The following HNF4A variants were observed in gnomAD, a reference collection of about 807,000 sequenced individuals.
HNF4A encodes hepatocyte nuclear factor 4 alpha, also known as hepatocyte nuclear factor 4-alpha.
Under a neutral mutation model 52.4 loss-of-function variants are expected in HNF4A, and 15 were observed. The observed-to-expected ratio is 0.29, with a 90% CI of 0.19 to 0.44. The LOEUF is 0.44. Among genes scored for constraint, HNF4A ranks in the 20% least tolerant of loss-of-function variants. The probability of loss-of-function intolerance (pLI) is 1.00; values close to 1 mark genes in which losing one functional copy is unlikely to be tolerated. For synonymous variants in HNF4A, 280 were observed against 264.4 expected (o/e 1.06, Z -0.57); for missense variants, 479 against 647.2 (o/e 0.74, Z 2.82).
chr20:44,401,342 G>A lies in HNF4A; in HGVS notation c.-31G>A. The A allele has an allele frequency of 3.1e-6, 5 of 1,613,730 alleles. No homozygotes were observed. The highest frequency in any genetic ancestry group is 3.4e-6 in the Non-Finnish European group (4 of 1,179,936). Reference sequence around the variant, plus strand: ...CCTTCGGGGTGGGCGCCCAGGGTAGGGCAGGTGGCCGCGGCGTGGAGGCAG... The same window carrying A: ...CCTTCGGGGTGGGCGCCCAGGGTAGAGCAGGTGGCCGCGGCGTGGAGGCAG... On this transcript the variant is annotated 5_prime_UTR_variant, in exon 1 of 10. Coordinates refer to ENST00000316099, the MANE Select transcript of HNF4A (RefSeq NM_000457.6).
rs531167532 is a variant in HNF4A at position 44,393,293 on chromosome 20, C to T, written c.50-12765C>T. On this transcript the variant is annotated intron_variant, in intron 1 of 9. Coordinates refer to the HNF4A transcript ENST00000316673. The stretch of plus-strand genomic sequence containing the variant: ...CCTCAGCCCAGATGTCATAAGCCAC[C>T]TGGCAGGAGGCAGCCTGCGGAGAAG... Among the ~76,000 whole-genome samples, 29 of 152,358 alleles carry T rather than the reference C, an allele frequency of 1.9e-4. 1 individual carries two copies. The highest frequency in any genetic ancestry group is 7.0e-4 in the African/African-American group (29 of 41,580).
At chr20:44,364,231 G>A (rs1405112975) in intron 1 of HNF4A, among the ~76,000 whole-genome samples, 1 of 151,788 alleles carries the variant, frequency 6.6e-6, no homozygotes. Context: ...TTTAGAGACA[G>A]GGGTCTCGCT....
Position 44,419,861 on chromosome 20 carries a change from A to G in HNF4A, c.877A>G (p.Ile293Val), listed in dbSNP as rs1270743847. The G allele has an allele frequency of 6.2e-7, 1 of 1,613,984 alleles. No homozygotes were observed. Among genetic ancestry groups the G allele is most frequent in the Non-Finnish European group, 8.5e-7 (1 of 1,180,006 alleles). ...TGAGTATGCCTACCTCAAAGCCATCATCTTCTTTGACCCAGGTACAGTGCA... is the reference window on the plus strand; with the variant it reads ...TGAGTATGCCTACCTCAAAGCCATCGTCTTCTTTGACCCAGGTACAGTGCA... Residue 293 changes from isoleucine to valine, a missense_variant, in exon 7 of 10, where the codon ATC (isoleucine) becomes GTC (valine). Ile to Val is a conservative substitution (Grantham distance 29). Around this residue, in one of 3 missense-constraint regions of HNF4A, gnomAD observed 389 missense variants for 525.1 expected, o/e 0.74. Transcript: ENST00000316099.
At chr20:44,378,918 CAAAAA>C (rs61103959) in intron 1 of HNF4A, among the ~76,000 whole-genome samples, 1 of 129,198 alleles carries the variant, frequency 7.7e-6, no homozygotes. Context: ...GACCCCGTCT[CAAAAA>C]AAAAAAAAAA....
chr20:44,385,059 CTTTTTTTTTTTTT>C lies in HNF4A; in HGVS notation c.50-20983_50-20971del, dbSNP rs775721024. Among the ~76,000 whole-genome samples, 31 of 34,986 alleles carry C rather than the reference CTTTTTTTTTTTTT, an allele frequency of 8.9e-4. 2 individuals carry two copies. The highest frequency in any genetic ancestry group is 3.5e-3 in the African/African-American group (27 of 7,654). 23.0% of individuals were successfully genotyped at this position (34,986 alleles called of 152,430 possible). On this transcript the variant is annotated intron_variant, in intron 1 of 9. Transcript: ENST00000316673. The stretch of plus-strand genomic sequence containing the variant: ...AGTGGTTTCAGCTGAACTCTGTGAT[CTTTTTTTTTTTTT>C]TTTTTTTTTTTTTTTGCCTATTCCC...
chr20:44,368,198 A>G (rs1304348645), intron 1 of HNF4A, among the ~76,000 whole-genome samples: 1 of 87,060 alleles, frequency 1.1e-5, no homozygotes, highest in Non-Finnish European at 2.2e-5. Context: ...ACAGGGTCTC[A>G]CTCTGTGGCC....
chr20:44,424,202 G>A lies in HNF4A; in HGVS notation c.1077G>A (p.Lys359=), dbSNP rs138874078. The A allele has an allele frequency of 3.1e-6, 5 of 1,614,086 alleles. No homozygotes were observed. The South Asian group carries it at 3.3e-5, about 11-fold the overall frequency. ...TGATCGAGCAGATCCAGTTCATCAA[G>A]CTCTTCGGCATGGCCAAGATTGACA... is the stretch of plus-strand genomic sequence containing the variant. Residue 359 remains lysine (K), a synonymous_variant, in exon 8 of 10, where the codon AAG becomes AAA. Transcript: ENST00000316099.
rs1463436840 is a variant in HNF4A at position 44,401,397 on chromosome 20, G to A, written c.25G>A (p.Asp9Asn). ...AATGCGACTCTCCAAAACCCTCGTC[G>A]ACATGGACATGGCCGACTACAGTGC... Residue 9 changes from aspartate to asparagine, a missense_variant, in exon 1 of 10, where the codon GAC becomes AAC. Coordinates refer to ENST00000316099, the MANE Select transcript of HNF4A (RefSeq NM_000457.6). 14 of 1,614,070 alleles carry A rather than the reference G, an allele frequency of 8.7e-6. No individual in the cohort carries two copies. The highest frequency in any genetic ancestry group is 1.2e-5 in the Non-Finnish European group (14 of 1,180,044).
chr20:44,414,673 G>C lies in HNF4A; in HGVS notation c.648+11G>C, dbSNP rs1316164473. 1 of 1,593,472 alleles carries C rather than the reference G, an allele frequency of 6.3e-7. No homozygotes were observed. The highest frequency in any genetic ancestry group is 8.5e-7 in the Non-Finnish European group (1 of 1,169,688). ...CCCCTGGACGACCAGGTGAGGATGG[G>C]CGTGGATGGTGGGCAGTAGTGGGCA... On this transcript the variant is annotated intron_variant, in intron 5 of 9. Coordinates refer to ENST00000316099, the MANE Select transcript of HNF4A (RefSeq NM_000457.6).
chr20:44,420,013 A>G, intron 7 of HNF4A, 137 bp downstream of exon 7: 1 of 902,170 alleles, frequency 1.1e-6, no homozygotes, highest in Non-Finnish European at 1.8e-6. Flanking sequence ...GTTTTCATTT[A>G]ACAGATGAGG....
chr20:44,369,014 G>C (rs1009561557), intron 1 of HNF4A, among the ~76,000 whole-genome samples: 1 of 151,948 alleles, frequency 6.6e-6, no homozygotes, highest in African/African-American at 2.4e-5. Context: ...TTGGGAGGCC[G>C]AGGCGGGCAG....
chr20:44,407,874 A>G (rs1201832949), intron 3 of HNF4A, among the ~76,000 whole-genome samples: 2 of 152,074 alleles, frequency 1.3e-5, no homozygotes, highest in Non-Finnish European at 1.5e-5. Context: ...CAACTTTACA[A>G]AAGGGACAGC....
rs2063880547 is a variant in HNF4A at position 44,431,763 on chromosome 20, C to T, written c.*2098C>T. On this transcript the variant is annotated 3_prime_UTR_variant, in exon 10 of 10. Transcript: ENST00000316099. ...GGACCGACTCCTGCCCCCTGCTCAA[C>T]ACTGACCCCTCTGAGTGGTTGGAGG... is the stretch of plus-strand genomic sequence containing the variant. 1 of 152,342 alleles carries T rather than the reference C, an allele frequency of 6.6e-6. No homozygotes were observed. Among genetic ancestry groups the T allele is most frequent in the African/African-American group, 2.4e-5 (1 of 41,424 alleles). The allele number at this position is 152,342 out of a possible 1,614,324, so 9.4% of individuals were successfully genotyped here.
intron 1 of HNF4A, among the ~76,000 whole-genome samples, chr20:44,369,653 T>C (rs2063011090): frequency 1.3e-5 from 2 of 151,994 alleles, no homozygotes; most frequent in African/African-American, 4.8e-5. Context: ...CAACCTGAGC[T>C]CTTTTTCTTT....
At chr20:44,423,918 C>A in intron 7 of HNF4A, 100 bp from the exon 8 acceptor site, 2 of 1,105,664 alleles carry the variant, frequency 1.8e-6, no homozygotes, top group Non-Finnish European at 2.7e-6. Flanking sequence ...CTGCTGAAGA[C>A]TCCTTGTGTG....
chr20:44,397,055 C>T (rs1044397808), upstream of HNF4A, among the ~76,000 whole-genome samples: 1 of 152,218 alleles, frequency 6.6e-6, no homozygotes, highest in Non-Finnish European at 1.5e-5. Flanking sequence ...ACAGCTGGCC[C>T]TGGGCTTGGA....
intron 7 of HNF4A, among the ~76,000 whole-genome samples, chr20:44,422,093 G>A (rs564166799): frequency 4.6e-5 from 7 of 152,042 alleles, no homozygotes; most frequent in East Asian, 1.9e-4. Flanking sequence ...TCACACAACC[G>A]GAAAATGGCA....
intron 1 of HNF4A, chr20:44,390,428 G>C (rs1039885742): frequency 1.8e-6 from 1 of 550,598 alleles, no homozygotes; most frequent in African/African-American, 1.9e-5. Context: ...CAGAGCCCTG[G>C]GGCTAATTCC....
intron 1 of HNF4A, among the ~76,000 whole-genome samples, chr20:44,385,968 T>A (rs932792655): frequency 2.6e-5 from 4 of 151,836 alleles, no homozygotes; most frequent in South Asian, 2.1e-4. Context: ...CAAGCGATTC[T>A]CCTGCTTCAG....
Sources: gnomAD v4.1 joint callset for allele counts (sites outside exome capture counted in the v4.1 genomes callset) on GRCh38, gnomAD v4.1.1 for gene constraint, gnomAD v4.1.1 regional missense constraint, MANE v1.5 for transcripts, NCBI Gene and HGNC (gene_info 2026-07-23, HGNC 2026-07-21) for gene names.